The following GPR37L1 variants were observed in gnomAD, a reference collection of about 807,000 sequenced individuals.
The protein encoded by GPR37L1 is G protein-coupled receptor 37-like 1.
In GPR37L1, 18 loss-of-function variants were observed where a neutral mutation model predicts 18.0. The ratio of observed to expected loss-of-function variants is 1.00; its 90% CI spans 0.69 to 1.49. The LOEUF (loss-of-function observed/expected upper bound fraction) is 1.49. GPR37L1 is among the 40% of genes most tolerant of loss of function. GPR37L1 has a pLI of 0.00. For synonymous variants in GPR37L1, 256 were observed against 273.9 expected (o/e 0.93, Z 0.65); for missense variants, 558 against 615.1 (o/e 0.91, Z 0.98).
intron 1 of GPR37L1, among the ~76,000 whole-genome samples, chr1:202,126,137 C>T (rs773041098): frequency 9.9e-5 from 15 of 152,144 alleles, no homozygotes; most frequent in Non-Finnish European, 2.1e-4. Flanking sequence ...GGGCCGGGCA[C>T]GGTGGCTCAC....
At position 202,128,572 on chromosome 1, in the gene GPR37L1, G is replaced by A; in HGVS notation, c.*16G>A. On this transcript the variant is annotated 3_prime_UTR_variant, in exon 2 of 2. Coordinates refer to ENST00000367282, the MANE Select transcript of GPR37L1 (RefSeq NM_004767.5). The stretch of plus-strand genomic sequence containing the variant: ...ACCTTGCTGAGGCCCCAGTAGGGGT[G>A]GGGAGGGAGGGAGAGGCCGCCACCC... 1 of 1,420,792 alleles carries A rather than the reference G, an allele frequency of 7.0e-7. No homozygotes were observed. The highest frequency in any genetic ancestry group is 9.6e-7 in the Non-Finnish European group (1 of 1,043,388). The allele number at this position is 1,420,792 out of a possible 1,614,324, so 88.0% of individuals were successfully genotyped here. A position where few individuals can be genotyped will look rare whatever the true frequency, so the allele number is the denominator to read the frequency against.
Position 202,128,527 on chromosome 1 carries a change from C to A in GPR37L1, c.1417C>A (p.Pro473Thr), listed in dbSNP as rs747354319. 4 of 1,582,728 alleles carry A rather than the reference C, an allele frequency of 2.5e-6. No homozygotes were observed. Among genetic ancestry groups the A allele is most frequent in the Non-Finnish European group, 3.4e-6 (4 of 1,161,992 alleles). ...IYFHKPRESP[P>T]LLPLGTPC is the part of the protein sequence containing the mutation. ...CTTCCACAAGCCCAGGGAGTCACCC[C>A]CACTCCTGCCCCTGGGCACACCTTG... The change falls in exon 2 of 2, where the codon CCA becomes ACA. Residue 473 changes from proline to threonine, a missense_variant. By Grantham distance (38) the Pro-to-Thr change is conservative. Coordinates refer to ENST00000367282, the MANE Select transcript of GPR37L1 (RefSeq NM_004767.5).
At position 202,123,397 on chromosome 1, in the gene GPR37L1, T is replaced by C; in HGVS notation, c.434T>C (p.Ile145Thr). Residue 145 changes from isoleucine to threonine, a missense_variant, in exon 1 of 2, where the codon ATT (isoleucine) becomes ACT (threonine). Physicochemically the swap from Ile to Thr is moderately conservative, Grantham distance 89. Coordinates refer to ENST00000367282, the MANE Select transcript of GPR37L1 (RefSeq NM_004767.5). ...GCGCTGGTGGTGTTTGCGGTGGGCA[T>C]TGTGGGCAACCTGTCGGTCATGTGC... The part of the protein sequence containing the change: ...LLALVVFAVG[I>T]VGNLSVMCIV... The C allele has an allele frequency of 1.2e-6, 2 of 1,614,090 alleles. No individual in the cohort carries two copies. The highest frequency in any genetic ancestry group is 1.7e-6 in the Non-Finnish European group (2 of 1,179,998).
chr1:202,126,405 G>GA (rs768904643), intron 1 of GPR37L1, among the ~76,000 whole-genome samples: 86 of 144,490 alleles, frequency 6.0e-4, no homozygotes, highest in East Asian at 1.0e-3. Flanking sequence ...GAGACTCTCG[G>GA]AAAAAAAAAA....
chr1:202,123,041 C>A lies in GPR37L1; in HGVS notation c.78C>A (p.Ala26=). The change falls in exon 1 of 2, where the codon GCC becomes GCA. Residue 26 remains alanine, a synonymous_variant. Coordinates refer to ENST00000367282, the MANE Select transcript of GPR37L1 (RefSeq NM_004767.5). ...GGCTAAGCAGGGTCTCTGGGGGTGCCCCCCTGCACCTGGGCAGGCACAGAG... is the reference window on the plus strand; with the variant it reads ...GGCTAAGCAGGGTCTCTGGGGGTGCACCCCTGCACCTGGGCAGGCACAGAG... ...AVGLSRVSGG[A]PLHLGRHRAE... is the part of the protein sequence containing the mutation. 1 of 1,613,620 alleles carries A rather than the reference C, an allele frequency of 6.2e-7. No individual in the cohort carries two copies. The highest frequency in any genetic ancestry group is 2.2e-5 in the East Asian group (1 of 44,884).
Position 202,123,027 on chromosome 1 carries a change from G to A in GPR37L1, c.64G>A (p.Val22Ile), listed in dbSNP as rs561115649. Residue 22 changes from valine to isoleucine, a missense_variant, in exon 1 of 2, where the codon GTC becomes ATC. Val to Ile is a conservative substitution (Grantham distance 29). Transcript: ENST00000367282. ...AVILAVGLSR[V>I]SGGAPLHLGR... is the part of the protein sequence containing the mutation. ...GATTTTGGCTGTGGGGCTAAGCAGG[G>A]TCTCTGGGGGTGCCCCCCTGCACCT... 27 of 1,613,584 alleles carry A rather than the reference G, an allele frequency of 1.7e-5. No individual in the cohort carries two copies. The highest frequency in any genetic ancestry group is 1.8e-4 in the Middle Eastern group (1 of 5,674).
At position 202,123,246 on chromosome 1, in the gene GPR37L1, A is replaced by C. The variant is rs1571709807; in HGVS notation, c.283A>C (p.Thr95Pro). The C allele has an allele frequency of 6.2e-7, 1 of 1,613,890 alleles. No individual in the cohort carries two copies. The highest frequency in any genetic ancestry group is 1.1e-5 in the South Asian group (1 of 91,078). Residue 95 changes from threonine to proline, a missense_variant, in exon 1 of 2, where the codon ACC becomes CCC. Coordinates refer to ENST00000367282, the MANE Select transcript of GPR37L1 (RefSeq NM_004767.5). ...CCCTAACCCCGGCAAGGATGGGGGCACCCCAGACAGTGGGCAGGAACTGAG... is the reference window on the plus strand; with the variant it reads ...CCCTAACCCCGGCAAGGATGGGGGCCCCCCAGACAGTGGGCAGGAACTGAG... ...TSPNPGKDGG[T>P]PDSGQELRGN...
rs1558300629 is a variant in GPR37L1 at position 202,123,296 on chromosome 1, G to A, written c.333G>A (p.Gly111=). The change falls in exon 1 of 2, where the codon GGG becomes GGA. Residue 111 remains glycine, a synonymous_variant. Coordinates refer to ENST00000367282, the MANE Select transcript of GPR37L1 (RefSeq NM_004767.5). The part of the protein sequence containing the change: ...ELRGNLTGAP[G]QRLQIQNPLY... ...GGGGCAATCTGACAGGAGCACCAGG[G>A]CAGAGGCTACAGATCCAGAACCCCC... 2 of 1,614,160 alleles carry A rather than the reference G, an allele frequency of 1.2e-6. No individual in the cohort carries two copies. Among genetic ancestry groups the A allele is most frequent in the Non-Finnish European group, 1.7e-6 (2 of 1,180,026 alleles).
chr1:202,126,403 C>T (rs113173026), intron 1 of GPR37L1, among the ~76,000 whole-genome samples: 10,545 of 148,834 alleles, frequency 0.071, 432 homozygotes, highest in Middle Eastern at 0.14. Flanking sequence ...GTGAGACTCT[C>T]GGAAAAAAAA....
intron 1 of GPR37L1, among the ~76,000 whole-genome samples, chr1:202,126,868 T>TGTGTGTGTGC (rs984736079): frequency 9.9e-5 from 15 of 151,122 alleles, no homozygotes; most frequent in South Asian, 8.4e-4. Context: ...TGTGTGTGTG[T>TGTGTGTGTGC]GCACGCGTAA....
rs1301434892 is a variant in GPR37L1, at chr1:202,123,344, C to T, written c.381C>T (p.Ser127=). 4 of 1,614,056 alleles carry T rather than the reference C, an allele frequency of 2.5e-6. No individual in the cohort carries two copies. Among genetic ancestry groups the T allele is most frequent in the Non-Finnish European group, 3.4e-6 (4 of 1,180,042 alleles). Reference sequence around the variant, plus strand: ...CCCTGTATCCGGTGACCGAGAGCTCCTACAGTGCCTATGCCATCATGCTTC... The same window carrying T: ...CCCTGTATCCGGTGACCGAGAGCTCTTACAGTGCCTATGCCATCATGCTTC... ...QNPLYPVTES[S]YSAYAIMLLA... is the part of the protein sequence containing the mutation. Residue 127 remains serine, a synonymous_variant, in exon 1 of 2, where the codon TCC becomes TCT. Transcript: ENST00000367282.
intron 1 of GPR37L1, among the ~76,000 whole-genome samples, chr1:202,124,931 C>G (rs567058903): frequency 6.6e-6 from 1 of 151,958 alleles, no homozygotes; most frequent in Non-Finnish European, 1.5e-5. Flanking sequence ...TTTGGGAGGC[C>G]GAGGCAGGTG....
At chr1:202,127,173 T>C (rs768895954) in intron 1 of GPR37L1, among the ~76,000 whole-genome samples, 8 of 152,188 alleles carry the variant, frequency 5.3e-5, no homozygotes, top group Non-Finnish European at 1.0e-4. Context: ...TTGAGCTTTT[T>C]CAATGGTAAG....
chr1:202,128,806 A>T lies in GPR37L1; in HGVS notation c.*250A>T. 2.6e-6 allele frequency: 1 copy of T among 380,586 alleles called. No individual in the cohort carries two copies. The highest frequency in any genetic ancestry group is 4.7e-6 in the Non-Finnish European group (1 of 213,180). 23.6% of individuals were successfully genotyped at this position (380,586 alleles called of 1,614,324 possible). A position where few individuals can be genotyped will look rare whatever the true frequency, so the allele number is the denominator to read the frequency against. On this transcript the variant is annotated 3_prime_UTR_variant, in exon 2 of 2. Coordinates refer to ENST00000367282, the MANE Select transcript of GPR37L1 (RefSeq NM_004767.5). ...TCTAGGTCCTTAGAACTGCCCAGAA[A>T]CTCTGAGTCCCAGCAGCTGGGAGCC...
chr1:202,130,496 C>T lies in GPR37L1; in HGVS notation c.*1940C>T, dbSNP rs926275084. On this transcript the variant is annotated 3_prime_UTR_variant, in exon 2 of 2. Coordinates refer to ENST00000367282, the MANE Select transcript of GPR37L1 (RefSeq NM_004767.5). ...CTTGTTCTCTCTCCCTGGCACCCAC[C>T]CCCAGGGCGGGTGATGCCGCCAAGA... 3.3e-5 allele frequency: 5 copies of T among 152,350 alleles called. No individual in the cohort carries two copies. The highest frequency in any genetic ancestry group is 1.2e-4 in the African/African-American group (5 of 41,456). 9.4% of individuals were successfully genotyped at this position (152,350 alleles called of 1,614,324 possible).
chr1:202,125,192 A>G (rs1326621534), intron 1 of GPR37L1, among the ~76,000 whole-genome samples: 1 of 146,710 alleles, frequency 6.8e-6, no homozygotes, highest in Non-Finnish European at 1.5e-5. Flanking sequence ...CTGCAACTGG[A>G]GAGAGGCTTT....
At chr1:202,123,716 G>C (rs1466071088) in intron 1 of GPR37L1, 123 bp downstream of exon 1, 1 of 849,232 alleles carries the variant, frequency 1.2e-6, no homozygotes, top group African/African-American at 1.7e-5. Flanking sequence ...TTGGAGCTCT[G>C]ACTTGCTCCT....
At chr1:202,125,068 G>A (rs977806888) in intron 1 of GPR37L1, among the ~76,000 whole-genome samples, 1 of 150,022 alleles carries the variant, frequency 6.7e-6, no homozygotes, top group Admixed American at 6.7e-5. Flanking sequence ...AGGAGGCTGA[G>A]GCAGGAGAAT....
In GPR37L1 at chr1:202,129,604, C is replaced by A. The variant is rs2147807166; in HGVS notation, c.*1048C>A. On this transcript the variant is annotated 3_prime_UTR_variant, in exon 2 of 2. Coordinates refer to ENST00000367282, the MANE Select transcript of GPR37L1 (RefSeq NM_004767.5). ...CAGTGCCTAGGAGAATTTCTCCTGACCTGGCCTGGCCTGTGGCTGATGTTC... is the reference window on the plus strand; with the variant it reads ...CAGTGCCTAGGAGAATTTCTCCTGAACTGGCCTGGCCTGTGGCTGATGTTC... The A allele has an allele frequency of 6.6e-6, 1 of 152,368 alleles. No individual in the cohort carries two copies. The highest frequency in any genetic ancestry group is 1.5e-5 in the Non-Finnish European group (1 of 68,068). The allele number at this position is 152,368 out of a possible 1,614,324, so 9.4% of individuals were successfully genotyped here.
Sources: allele counts gnomAD v4.1 joint callset (sites outside exome capture counted in the v4.1 genomes callset), GRCh38; gene constraint gnomAD v4.1.1; transcripts MANE v1.5; gene names NCBI Gene and HGNC (gene_info 2026-07-23, HGNC 2026-07-21).